TUSC3: variants seen among roughly 807,000 people sequenced by gnomAD.
TUSC3 encodes the protein dolichyl-diphosphooligosaccharide--protein glycosyltransferase subunit TUSC3.
A neutral mutation model predicts 44.8 loss-of-function variants in TUSC3; 45 were observed. The observed-to-expected ratio is 1.00, with a 90% CI of 0.79 to 1.29. The LOEUF (loss-of-function observed/expected upper bound fraction) is 1.29. TUSC3 is among the 50% of genes most tolerant of loss of function. The pLI is 0.00. For missense variants in TUSC3, 519 were observed against 437.9 expected, an observed-to-expected ratio of 1.19 and a Z score of -1.65; for synonymous variants, 212 against 152.9, an observed-to-expected ratio of 1.39 and a Z score of -2.85.
intron 2 of TUSC3, among the ~76,000 whole-genome samples, chr8:15,526,078 G>GCT (rs1286496728): frequency 6.6e-6 from 1 of 151,912 alleles, no homozygotes; most frequent in East Asian, 1.9e-4. Context: ...TGTCGTCCAG[G>GCT]CTGGAGTGCA....
upstream of TUSC3, among the ~76,000 whole-genome samples, chr8:15,536,665 G>A (rs1176242792): frequency 1.0e-5 from 1 of 96,908 alleles, no homozygotes; most frequent in Non-Finnish European, 1.9e-5. Flanking sequence ...CTGGGTGACA[G>A]AGCAAGATTC....
chr8:15,502,304 C>G (rs191261977), intron 2 of TUSC3, among the ~76,000 whole-genome samples: 1 of 152,138 alleles, frequency 6.6e-6, no homozygotes, highest in Admixed American at 6.5e-5. Context: ...TGTTAAATAT[C>G]TAAGCAATAT....
chr8:15,656,978 G>A (rs1807201464), intron 3 of TUSC3, among the ~76,000 whole-genome samples: 1 of 152,150 alleles, frequency 6.6e-6, no homozygotes, highest in East Asian at 1.9e-4. Flanking sequence ...CAGCTGAGGA[G>A]CACTACAGCA....
chr8:15,809,850 C>T, the TUSC3 span, among the ~76,000 whole-genome samples: 3 of 152,264 alleles, frequency 2.0e-5, no homozygotes, highest in East Asian at 1.9e-4. Context: ...TTCTCCTTGC[C>T]TTAAGGAAAA....
chr8:15,514,203 C>T (rs529088350), intron 2 of TUSC3, among the ~76,000 whole-genome samples: 257 of 152,060 alleles, frequency 1.7e-3, no homozygotes, highest in African/African-American at 6.0e-3. Context: ...ACGTAGATAC[C>T]CAGATCTGGT....
Position 15,586,196 on chromosome 8 carries a change from T to A in TUSC3, c.139-36884T>A, listed in dbSNP as rs560250336. Among the ~76,000 whole-genome samples, 102 of 152,294 alleles carry A rather than the reference T, an allele frequency of 6.7e-4. 1 individual carries two copies. The South Asian group carries it at 7.0e-3, about 11-fold the overall frequency. On this transcript the variant is annotated intron_variant, in intron 1 of 10. Coordinates refer to ENST00000503731, the MANE Select transcript of TUSC3 (RefSeq NM_006765.4). ...TCATTTTTAGTTGGCCAGAAACAAT[T>A]TAAGTCAGTAGTGACTGTGAAGGAC...
At chr8:15,595,290 T>C (rs1021717598) in intron 1 of TUSC3, among the ~76,000 whole-genome samples, 3 of 152,186 alleles carry the variant, frequency 2.0e-5, no homozygotes, top group African/African-American at 4.8e-5. Flanking sequence ...GGGGAATCTC[T>C]AGATTTCCAG....
At chr8:15,639,383 ATG>A (rs1332837576) in intron 2 of TUSC3, among the ~76,000 whole-genome samples, 1 of 152,248 alleles carries the variant, frequency 6.6e-6, no homozygotes, top group East Asian at 1.9e-4. Flanking sequence ...AATGAAATGA[ATG>A]AGAATTTTTT....
intron 2 of TUSC3, among the ~76,000 whole-genome samples, chr8:15,509,160 G>C (rs1050686294): frequency 6.6e-6 from 1 of 152,176 alleles, no homozygotes; most frequent in South Asian, 2.1e-4. Context: ...GCTCTGCTAA[G>C]AATCCACATT....
At chr8:15,445,089 G>A (rs1158377847) in intron 1 of TUSC3, among the ~76,000 whole-genome samples, 2 of 152,156 alleles carry the variant, frequency 1.3e-5, no homozygotes, top group East Asian at 3.9e-4. Flanking sequence ...AAATTTGACA[G>A]GAAGCTGTGA....
intron 1 of TUSC3, among the ~76,000 whole-genome samples, chr8:15,582,878 A>C (rs1803432110): frequency 6.6e-6 from 1 of 152,228 alleles, no homozygotes; most frequent in African/African-American, 2.4e-5. Flanking sequence ...CCTTTTTAGA[A>C]GACCTACAAC....
the TUSC3 span, among the ~76,000 whole-genome samples, chr8:15,795,097 G>T: frequency 1.3e-4 from 20 of 152,092 alleles, no homozygotes; most frequent in African/African-American, 4.6e-4. Context: ...TTTAATTGAG[G>T]CTATTACCAA....
chr8:15,569,428 A>C (rs1002116087), intron 1 of TUSC3, among the ~76,000 whole-genome samples: 2 of 152,170 alleles, frequency 1.3e-5, no homozygotes, highest in Non-Finnish European at 2.9e-5. Context: ...GCATCATGAT[A>C]ATGAAACTAT....
intron 2 of TUSC3, among the ~76,000 whole-genome samples, chr8:15,502,349 T>C (rs1431323520): frequency 1.3e-5 from 2 of 152,174 alleles, no homozygotes; most frequent in African/African-American, 4.8e-5. Flanking sequence ...AGTCCATCTG[T>C]TCTATTCACC....
chr8:15,795,915 G>T, the TUSC3 span, among the ~76,000 whole-genome samples: 1 of 152,200 alleles, frequency 6.6e-6, no homozygotes, highest in Non-Finnish European at 1.5e-5. Context: ...CACAGGGTCA[G>T]ATGATCAAAC....
intron 1 of TUSC3, among the ~76,000 whole-genome samples, chr8:15,448,790 TG>T (rs1399360908): frequency 4.6e-5 from 7 of 152,208 alleles, no homozygotes; most frequent in African/African-American, 1.4e-4. Flanking sequence ...AAAATAGGTA[TG>T]GGACACAGCT....
chr8:15,549,031 T>C (rs2129135799), intron 1 of TUSC3, among the ~76,000 whole-genome samples: 1 of 151,904 alleles, frequency 6.6e-6, no homozygotes, highest in South Asian at 2.1e-4. Flanking sequence ...TCAAAAAAAT[T>C]GTAGGAAAAA....
intron 1 of TUSC3, among the ~76,000 whole-genome samples, chr8:15,449,687 G>A (rs528839295): frequency 6.6e-6 from 1 of 152,254 alleles, no homozygotes; most frequent in Non-Finnish European, 1.5e-5. Flanking sequence ...GTGTCCCTTT[G>A]ATCGCAAGGA....
rs138299493 is a variant in TUSC3, at chr8:15,469,856, A to G, written n.92-13530A>G. ...AGCCATGAAAAGACAGGGAAGAAAC[A>G]TAAGTGTATGTTACTAAGTGAAAGA... On this transcript the variant is annotated intron_variant and non_coding_transcript_variant, in intron 1 of 5. Transcript: ENST00000503191. 5.0e-3 allele frequency among the ~76,000 whole-genome samples: 768 copies of G among 152,362 alleles called. 6 individuals carry two copies. The highest frequency in any genetic ancestry group is 7.3e-3 in the Non-Finnish European group (497 of 68,042).
Sources: allele counts gnomAD v4.1 joint callset (sites outside exome capture counted in the v4.1 genomes callset), GRCh38; gene constraint gnomAD v4.1.1; transcripts MANE v1.5; gene names NCBI Gene and HGNC (gene_info 2026-07-23, HGNC 2026-07-21).